The following PCM1 variants were observed in gnomAD, a reference collection of about 807,000 sequenced individuals.
PCM1 encodes the protein pericentriolar material 1 protein.
Under a neutral mutation model 241.9 loss-of-function variants are expected in PCM1, and 157 were observed. That is an observed-to-expected ratio of 0.65 (90% CI 0.57 to 0.74). PCM1 has a LOEUF of 0.74. Ranked by LOEUF, PCM1 falls within the 30% of genes least tolerant of loss-of-function variation. The pLI is 0.00. For synonymous variants in PCM1, 1,085 were observed against 784.9 expected (o/e 1.38, Z -6.39); for missense variants, 3,478 against 2,360.1 (o/e 1.47, Z -9.81).
At chr8:17,946,945 C>T (rs879006416) in intron 6 of PCM1, among the ~76,000 whole-genome samples, 4 of 150,970 alleles carry the variant, frequency 2.6e-5, no homozygotes, top group Non-Finnish European at 5.9e-5. Flanking sequence ...CATTCCTCTT[C>T]CTGCTGAGCC....
At chr8:18,006,584 G>C (rs1164076889) in intron 30 of PCM1, among the ~76,000 whole-genome samples, 187 bp downstream of exon 30, 1 of 151,992 alleles carries the variant, frequency 6.6e-6, no homozygotes, top group Non-Finnish European at 1.5e-5. Context: ...TGTATTATTA[G>C]GTCCTGTTTG....
At position 17,954,415 on chromosome 8, in the gene PCM1, G is replaced by T. The variant is rs1206467912; in HGVS notation, c.1289-1055G>T. On this transcript the variant is annotated intron_variant, in intron 9 of 38. Coordinates refer to ENST00000325083, the MANE Select transcript of PCM1 (RefSeq NM_006197.4). ...GCACTCCAGCCTGGGCAACAAAAGT[G>T]AAACTCCATCTCAAAAAAAAAAAAA... Among the ~76,000 whole-genome samples, 4 of 123,998 alleles carry T rather than the reference G, an allele frequency of 3.2e-5. No homozygotes were observed. The East Asian group carries it at 9.9e-4, about 31-fold the overall frequency. The allele number at this position is 123,998 out of a possible 152,430, so 81.3% of individuals were successfully genotyped here.
At chr8:17,948,502 A>T (rs1024971047) in intron 7 of PCM1, among the ~76,000 whole-genome samples, 3 of 151,592 alleles carry the variant, frequency 2.0e-5, no homozygotes, top group Non-Finnish European at 2.9e-5. Context: ...TCGGGGTTTC[A>T]CCATATTGGT....
chr8:17,992,610 C>CTTTTTTTTTTTTTTTTTTT (rs71545503), intron 28 of PCM1, among the ~76,000 whole-genome samples: 1 of 128,432 alleles, frequency 7.8e-6, no homozygotes, highest in African/African-American at 2.9e-5. Context: ...ACTACTACTA[C>CTTTTTTTTTTTTTTTTTTT]TTTTTTTTTT....
rs746102527 is a variant in PCM1 at position 17,969,646 on chromosome 8, A to T, written c.3482A>T (p.Glu1161Val). ...DFSQNISTPS[E>V]QQQPLAQNSS... ...TCTCAGAATATCTCTACACCCAGTGAACAGCAGCAACCCTTAGCCCAGAAT... is the reference window on the plus strand; with the variant it reads ...TCTCAGAATATCTCTACACCCAGTGTACAGCAGCAACCCTTAGCCCAGAAT... The change falls in exon 22 of 39, where the codon GAA (glutamate) becomes GTA (valine). Residue 1161 changes from glutamate (E) to valine (V), a missense_variant. Glu to Val is a moderately radical substitution (Grantham distance 121). Coordinates refer to ENST00000325083, the MANE Select transcript of PCM1 (RefSeq NM_006197.4). 6.2e-7 allele frequency: 1 copy of T among 1,612,854 alleles called. No homozygotes were observed. The highest frequency in any genetic ancestry group is 8.5e-7 in the Non-Finnish European group (1 of 1,179,118).
At chr8:17,989,325 A>T (rs1019938688) in intron 26 of PCM1, among the ~76,000 whole-genome samples, 4 of 152,008 alleles carry the variant, frequency 2.6e-5, no homozygotes, top group Non-Finnish European at 5.9e-5. Context: ...GGCCAGTGGA[A>T]ATGGTCTTTA....
rs771121081 is a variant in PCM1, at chr8:17,980,736, G to A, written c.4089G>A (p.Arg1363=). Residue 1363 remains arginine, a synonymous_variant, in exon 24 of 39, where the codon AGG becomes AGA. Coordinates refer to ENST00000325083, the MANE Select transcript of PCM1 (RefSeq NM_006197.4). The part of the protein sequence containing the change: ...EQLEKIIKCN[R]STEISSETGS... The stretch of plus-strand genomic sequence containing the variant: ...TGGAAAAAATAATAAAATGTAATAG[G>A]TCTACAGAAATATCTTCAGGTATGT... 4 of 1,609,368 alleles carry A rather than the reference G, an allele frequency of 2.5e-6. No individual in the cohort carries two copies. The highest frequency in any genetic ancestry group is 2.2e-5 in the South Asian group (2 of 90,914).
At chr8:17,962,975 T>A in intron 16 of PCM1, 126 bp from the exon 17 acceptor site, 1 of 637,908 alleles carries the variant, frequency 1.6e-6, no homozygotes, top group Non-Finnish European at 2.7e-6. Context: ...ATGGACATGT[T>A]AGTGTGAAAA....
At position 17,981,246 on chromosome 8, in the gene PCM1, C is replaced by G. The variant is rs559685949; in HGVS notation, c.4108+491C>G. Among the ~76,000 whole-genome samples, 3 of 152,276 alleles carry G rather than the reference C, an allele frequency of 2.0e-5. No homozygotes were observed. In the East Asian group the frequency reaches 5.8e-4, roughly 29 times the overall value. On this transcript the variant is annotated intron_variant, in intron 24 of 38. Coordinates refer to ENST00000325083, the MANE Select transcript of PCM1 (RefSeq NM_006197.4). ...GGAGTTTTTGTATAGCTATCACATT[C>G]TTTCTTACCTTGGTAGCTGTTTTTC... is the stretch of plus-strand genomic sequence containing the variant.
At position 17,937,352 on chromosome 8, in the gene PCM1, G is replaced by A. The variant is rs376869081; in HGVS notation, c.315G>A (p.Gln105=). 8.1e-6 allele frequency: 13 copies of A among 1,602,382 alleles called. No individual in the cohort carries two copies. In the African/African-American group the frequency reaches 1.7e-4, roughly 21 times the overall value. The change falls in exon 4 of 39, where the codon CAG becomes CAA. Residue 105 remains glutamine (Q), a synonymous_variant. Coordinates refer to ENST00000325083, the MANE Select transcript of PCM1 (RefSeq NM_006197.4). ...PEQAELEKLK[Q]RINFSDLDQR... Reference sequence around the variant, plus strand: ...AGGCAGAATTAGAGAAACTGAAACAGCGGATAAACTTCAGTGATTTAGATC... The same window carrying A: ...AGGCAGAATTAGAGAAACTGAAACAACGGATAAACTTCAGTGATTTAGATC...
intron 36 of PCM1, among the ~76,000 whole-genome samples, chr8:18,018,848 GTGTGTATATATA>G (rs1414013728): frequency 1.0e-3 from 38 of 36,310 alleles, no homozygotes; most frequent in African/African-American, 3.4e-3. Flanking sequence ...ATGTGTGTGT[GTGTGTATATATA>G]TATATATATA....
intron 36 of PCM1, among the ~76,000 whole-genome samples, chr8:18,021,789 C>T (rs1460781308): frequency 6.6e-6 from 1 of 152,188 alleles, no homozygotes; most frequent in Non-Finnish European, 1.5e-5. Context: ...TCAACCCCTA[C>T]AGAAAAACAC....
intron 2 of PCM1, among the ~76,000 whole-genome samples, chr8:17,930,933 A>C (rs1172870360): frequency 6.6e-6 from 1 of 152,142 alleles, no homozygotes; most frequent in African/African-American, 2.4e-5. Flanking sequence ...CTTCATACTA[A>C]TAGTTTTACT....
intron 23 of PCM1, among the ~76,000 whole-genome samples, chr8:17,976,935 A>G (rs887731872): frequency 2.0e-5 from 3 of 150,584 alleles, no homozygotes; most frequent in Non-Finnish European, 3.0e-5. Context: ...AGTTTCAGCT[A>G]TTTTGGAGGA....
chr8:17,985,561 A>G lies in PCM1; in HGVS notation c.4223A>G (p.His1408Arg). The change falls in exon 25 of 39, where the codon CAT becomes CGT. Residue 1408 changes from histidine to arginine, a missense_variant. By Grantham distance (29) the His-to-Arg change is conservative. Transcript: ENST00000325083. Reference protein sequence around the residue: ...SRPHFLIELFHELQLLNTDYL... With the variant: ...SRPHFLIELFRELQLLNTDYL... ...CCACATTTTCTTATTGAACTCTTCC[A>G]TGAGCTGCAGCTACTAAACACAGAC... is the stretch of plus-strand genomic sequence containing the variant. 1.2e-6 allele frequency: 2 copies of G among 1,605,908 alleles called. No individual in the cohort carries two copies. The highest frequency in any genetic ancestry group is 1.7e-6 in the Non-Finnish European group (2 of 1,175,496).
chr8:17,966,890 A>T (rs1372864892), intron 20 of PCM1, 90 bp from the exon 21 acceptor site: 4 of 1,218,978 alleles, frequency 3.3e-6, no homozygotes, highest in Admixed American at 2.6e-5. Flanking sequence ...CATGCTTTTG[A>T]ATCATTTTTT....
At chr8:17,973,102 A>G (rs949341421) in intron 23 of PCM1, among the ~76,000 whole-genome samples, 2 of 152,194 alleles carry the variant, frequency 1.3e-5, no homozygotes, top group African/African-American at 2.4e-5. Flanking sequence ...CAGTTTTTGA[A>G]TATCATATGA....
intron 21 of PCM1, among the ~76,000 whole-genome samples, chr8:17,968,388 A>G (rs1469206781): frequency 1.3e-5 from 2 of 152,220 alleles, no homozygotes; most frequent in Non-Finnish European, 2.9e-5. Context: ...GTTCGGGAGA[A>G]GTTGGAGGAA....
chr8:17,962,592 T>G (rs905503604), intron 16 of PCM1, among the ~76,000 whole-genome samples: 1 of 152,030 alleles, frequency 6.6e-6, no homozygotes, highest in East Asian at 1.9e-4. Context: ...CTGAAGTATA[T>G]TTGAGTTCTA....
Sources: allele counts gnomAD v4.1 joint callset (sites outside exome capture counted in the v4.1 genomes callset), GRCh38; gene constraint gnomAD v4.1.1; transcripts MANE v1.5; gene names NCBI Gene and HGNC (gene_info 2026-07-23, HGNC 2026-07-21).